Variants in PARP9 observed in about 807,000 individuals in gnomAD.
The protein encoded by PARP9 is poly(ADP-ribose) polymerase family member 9, also known as protein mono-ADP-ribosyltransferase PARP9.
Under a neutral mutation model 68.8 loss-of-function variants are expected in PARP9, and 48 were observed. The observed-to-expected ratio is 0.70, with a 90% confidence interval of 0.55 to 0.89. The LOEUF (loss-of-function observed/expected upper bound fraction) is 0.89, where lower values mean the gene tolerates loss of function less well. Among genes scored for constraint, PARP9 ranks in the 40% least tolerant of loss-of-function variants. The probability of loss-of-function intolerance (pLI) is 0.00; values close to 1 mark genes in which losing one functional copy is unlikely to be tolerated. For synonymous variants in PARP9, 309 were observed against 333.8 expected (o/e 0.93, Z 0.81); for missense variants, 806 against 969.3 (o/e 0.83, Z 2.24).
At chr3:122,534,239 A>C (rs2077487936) in intron 10 of PARP9, 1 of 902,140 alleles carries the variant, frequency 1.1e-6, no homozygotes, top group African/African-American at 1.8e-5. Context: ...TTTTAAAGGA[A>C]CTGTATTGCT....
intron 8 of PARP9, among the ~76,000 whole-genome samples, chr3:122,540,011 T>A (rs1300327089): frequency 6.6e-6 from 1 of 152,262 alleles, no homozygotes; most frequent in Non-Finnish European, 1.5e-5. Flanking sequence ...ATTACCAATG[T>A]ATAACTTCAT....
rs564177999 is a variant in PARP9 at position 122,544,943 on chromosome 3, A to T, written c.1384+489T>A. Among the ~76,000 whole-genome samples the T allele has an allele frequency of 2.6e-5, 4 of 152,326 alleles. 1 individual carries two copies. Among genetic ancestry groups the T allele is most frequent in the South Asian group, 4.1e-4 (2 of 4,822 alleles). On this transcript the variant is annotated intron_variant, in intron 7 of 10. Transcript: ENST00000682323. ...CTGAATCAGCATCTGTAGAGTTGGG[A>T]CAAATACATATTTTGGGGGTTTTGC...
upstream of PARP9, chr3:122,564,428 T>A: frequency 6.2e-7 from 1 of 1,608,494 alleles, no homozygotes. Context: ...CGCAGAGCCA[T>A]GGCCTCCCAC....
chr3:122,528,267 T>A lies in PARP9; in HGVS notation c.*97A>T, dbSNP rs1559788428. The A allele has an allele frequency of 2.3e-5, 33 of 1,436,806 alleles. No individual in the cohort carries two copies. The highest frequency in any genetic ancestry group is 2.7e-5 in the Non-Finnish European group (29 of 1,054,710). The allele number at this position is 1,436,806 out of a possible 1,614,324, so 89.0% of individuals were successfully genotyped here. ...CCAGTCAGTCCATACAGATAACCCA[T>A]GGGATATATTCAAGCCACTCTTTGA... On this transcript the variant is annotated 3_prime_UTR_variant, in exon 11 of 11. Transcript: ENST00000682323.
chr3:122,531,333 A>G (rs1449737127), intron 10 of PARP9, among the ~76,000 whole-genome samples: 3 of 152,250 alleles, frequency 2.0e-5, no homozygotes, highest in African/African-American at 7.2e-5. Flanking sequence ...GATAAAAATC[A>G]AAGATTTTCT....
intron 7 of PARP9, among the ~76,000 whole-genome samples, chr3:122,543,909 T>G (rs563100893): frequency 2.4e-4 from 37 of 152,368 alleles, no homozygotes; most frequent in Non-Finnish European, 4.7e-4. Flanking sequence ...CCATGTCCCT[T>G]GATTAATCAT....
intron 5 of PARP9, among the ~76,000 whole-genome samples, chr3:122,551,498 T>G (rs961278440): frequency 6.6e-6 from 1 of 152,198 alleles, no homozygotes; most frequent in Non-Finnish European, 1.5e-5. Flanking sequence ...TATTTTATTT[T>G]ATTTTATATT....
Position 122,540,397 on chromosome 3 carries a change from ATAC to A in PARP9, c.1765+72_1765+74del, listed in dbSNP as rs141276853. The A allele has an allele frequency of 5.2e-4, 803 of 1,537,914 alleles. 4 individuals are homozygous for A. In the African/African-American group the frequency reaches 9.9e-3, roughly 19 times the overall value. ...CTCCTTCTGTCTCTTACCCACATCC[ATAC>A]ATACACGCTCACACCCAAAAGAAGA... On this transcript the variant is annotated intron_variant, in intron 8 of 10. Coordinates refer to ENST00000682323, the MANE Select transcript of PARP9 (RefSeq NM_001146105.2).
chr3:122,536,087 A>T (rs1462515674), intron 10 of PARP9, 81 bp downstream of exon 10: 1 of 1,606,708 alleles, frequency 6.2e-7, no homozygotes, highest in South Asian at 1.1e-5. Flanking sequence ...ACAACAACAA[A>T]TGCTATCAGT....
chr3:122,535,816 G>A, intron 10 of PARP9: 2 of 1,101,830 alleles, frequency 1.8e-6, no homozygotes, highest in Non-Finnish European at 2.2e-6. Context: ...AGTGCTGTTG[G>A]TAATAATTTT....
chr3:122,533,431 A>G, intron 10 of PARP9: 1 of 152,804 alleles, frequency 6.5e-6, no homozygotes. Flanking sequence ...GGAGAGAGGT[A>G]GGGAGTTAAG....
Position 122,540,428 on chromosome 3 carries a change from C to T in PARP9, c.1765+44G>A, listed in dbSNP as rs746318064. On this transcript the variant is annotated intron_variant, in intron 8 of 10. Coordinates refer to ENST00000682323, the MANE Select transcript of PARP9 (RefSeq NM_001146105.2). ...ACACGCTCACACCCAAAAGAAGAAACAATGGGGAGAATTTACTTTCTAATT... is the reference window on the plus strand; with the variant it reads ...ACACGCTCACACCCAAAAGAAGAAATAATGGGGAGAATTTACTTTCTAATT... The T allele has an allele frequency of 3.8e-6, 6 of 1,599,126 alleles. No individual in the cohort carries two copies. In the South Asian group the frequency reaches 6.7e-5, roughly 18 times the overall value.
chr3:122,560,032 G>A (rs1213929517), intron 1 of PARP9, among the ~76,000 whole-genome samples: 3 of 152,138 alleles, frequency 2.0e-5, no homozygotes, highest in Non-Finnish European at 2.9e-5. Flanking sequence ...TAGAAGAAGA[G>A]GGTGATAACA....
intron 10 of PARP9, chr3:122,535,820 T>C: frequency 9.1e-7 from 1 of 1,101,956 alleles, no homozygotes; most frequent in Non-Finnish European, 1.1e-6. Context: ...CTGTTGGTAA[T>C]AATTTTGTTG....
At chr3:122,553,406 G>A (rs917087571) in intron 4 of PARP9, among the ~76,000 whole-genome samples, 8 of 152,060 alleles carry the variant, frequency 5.3e-5, no homozygotes, top group Non-Finnish European at 7.4e-5. Flanking sequence ...GGTAACTCAG[G>A]TATTTCTTCA....
In PARP9 at chr3:122,559,685, A is replaced by G. The variant is rs72960498; in HGVS notation, c.-65T>C. On this transcript the variant is annotated 5_prime_UTR_variant, in exon 2 of 11. Transcript: ENST00000682323. ...TTTTGCGCTTCAAAGCATAGACTGT[A>G]GTTTCCAGATATGGTGGCCCACTTC... The G allele has an allele frequency of 4.8e-5, 72 of 1,489,488 alleles. No individual in the cohort carries two copies. In the African/African-American group the frequency reaches 8.7e-4, roughly 18 times the overall value. The allele number at this position is 1,489,488 out of a possible 1,614,324, so 92.3% of individuals were successfully genotyped here.
intron 7 of PARP9, 94 bp from the exon 8 acceptor site, chr3:122,540,946 A>C (rs1236181627): frequency 1.5e-6 from 2 of 1,356,120 alleles, no homozygotes; most frequent in Non-Finnish European, 9.9e-7. Context: ...GCTGGAGTGC[A>C]GTGCTGCGAT....
chr3:122,544,001 C>T (rs1470759676), intron 7 of PARP9, among the ~76,000 whole-genome samples: 1 of 152,218 alleles, frequency 6.6e-6, no homozygotes, highest in African/African-American at 2.4e-5. Context: ...GTGACATTTG[C>T]CGCCATTATT....
At chr3:122,559,805 T>C in intron 1 of PARP9, 96 bp from the exon 2 acceptor site, 1 of 464,094 alleles carries the variant, frequency 2.2e-6, no homozygotes, top group South Asian at 6.2e-5. Context: ...TGATTTCTGA[T>C]CTTGATGAGT....
Sources: allele counts gnomAD v4.1 joint callset (sites outside exome capture counted in the v4.1 genomes callset), GRCh38; gene constraint gnomAD v4.1.1; transcripts MANE v1.5; gene names NCBI Gene and HGNC (gene_info 2026-07-23, HGNC 2026-07-21).